Variants in TMEM178A observed in about 807,000 individuals in gnomAD.
TMEM178A encodes transmembrane protein 178.
TMEM178A carries 12 observed loss-of-function variants against 29.1 expected under a neutral mutation model. The observed-to-expected ratio is 0.41, with a 90% CI of 0.26 to 0.67. The LOEUF (loss-of-function observed/expected upper bound fraction) is 0.67, where lower values mean the gene tolerates loss of function less well. TMEM178A is among the 30% of genes least tolerant of loss of function. The pLI, the probability that TMEM178A is intolerant of heterozygous loss-of-function variation, is 0.29. For synonymous variants in TMEM178A, 210 were observed against 187.2 expected, an observed-to-expected ratio of 1.12 and a Z score of -0.99; for missense variants, 366 against 419.1, an observed-to-expected ratio of 0.87 and a Z score of 1.11.
chr2:39,718,507 G>A (rs1250232429), downstream of TMEM178A, among the ~76,000 whole-genome samples: 1 of 152,188 alleles, frequency 6.6e-6, no homozygotes, highest in African/African-American at 2.4e-5. Context: ...ATTTGGGCCA[G>A]AACCGTGGTT....
chr2:39,703,435 T>C (rs1178736831), intron 1 of TMEM178A, among the ~76,000 whole-genome samples: 1 of 152,154 alleles, frequency 6.6e-6, no homozygotes, highest in African/African-American at 2.4e-5. Context: ...TATCAAAATA[T>C]TGTGCCTAGG....
intron 1 of TMEM178A, among the ~76,000 whole-genome samples, chr2:39,683,251 C>T (rs993904744): frequency 6.6e-6 from 1 of 152,202 alleles, no homozygotes; most frequent in Non-Finnish European, 1.5e-5. Flanking sequence ...AAGCCTCCTA[C>T]CTCCTCCATC....
At chr2:39,666,613 C>T (rs1010534996) in intron 1 of TMEM178A, among the ~76,000 whole-genome samples, 1 of 152,142 alleles carries the variant, frequency 6.6e-6, no homozygotes, top group Non-Finnish European at 1.5e-5. Context: ...CCTTTCAAGT[C>T]CGTGCCGCAC....
At chr2:39,727,797 C>CTGAG in the TMEM178A span, among the ~76,000 whole-genome samples, 7,430 of 148,376 alleles carry the variant, frequency 0.05, 618 homozygotes, top group African/African-American at 0.17. Context: ...TTTCTCATCT[C>CTGAG]TGAGAACATG....
the TMEM178A span, among the ~76,000 whole-genome samples, chr2:39,729,826 C>G: frequency 2.6e-5 from 4 of 152,204 alleles, no homozygotes; most frequent in Admixed American, 6.5e-5. Context: ...CTTAAGCAGA[C>G]AATTCTGGGT....
chr2:39,701,489 G>A (rs1671780223), intron 1 of TMEM178A, among the ~76,000 whole-genome samples: 1 of 151,916 alleles, frequency 6.6e-6, no homozygotes, highest in Non-Finnish European at 1.5e-5. Flanking sequence ...TCTGTCTTTG[G>A]CTTTCAACAG....
At chr2:39,712,011 T>G (rs969356464) in intron 3 of TMEM178A, among the ~76,000 whole-genome samples, 25 of 151,042 alleles carry the variant, frequency 1.7e-4, no homozygotes, top group Admixed American at 2.6e-4. Flanking sequence ...AGAAAATGAT[T>G]GGATGCTTTT....
chr2:39,689,533 CATGGAA>C (rs1436062241), intron 1 of TMEM178A, among the ~76,000 whole-genome samples: 1 of 152,138 alleles, frequency 6.6e-6, no homozygotes, highest in Non-Finnish European at 1.5e-5. Context: ...TAATGATTGA[CATGGAA>C]ATAGAATGAT....
intron 1 of TMEM178A, among the ~76,000 whole-genome samples, chr2:39,690,545 A>T (rs1385672362): frequency 2.0e-5 from 3 of 152,210 alleles, no homozygotes; most frequent in African/African-American, 7.2e-5. Context: ...ACTGCCTGCA[A>T]GAGGGAATGA....
chr2:39,700,383 G>C (rs970984257), intron 1 of TMEM178A, among the ~76,000 whole-genome samples: 58 of 152,000 alleles, frequency 3.8e-4, no homozygotes, highest in African/African-American at 1.3e-3. Flanking sequence ...TATGACTGCT[G>C]TATCTTCTTG....
At chr2:39,711,561 C>G (rs145325089) in intron 3 of TMEM178A, among the ~76,000 whole-genome samples, 1 of 152,270 alleles carries the variant, frequency 6.6e-6, no homozygotes, top group Non-Finnish European at 1.5e-5. Context: ...ACAGAGAAGA[C>G]AGAGTCCAGG....
At chr2:39,704,575 G>T (rs182692620) in intron 2 of TMEM178A, among the ~76,000 whole-genome samples, 87 of 152,156 alleles carry the variant, frequency 5.7e-4, no homozygotes, top group African/African-American at 2.0e-3. Context: ...ATTTATTTTA[G>T]CTACTGTGTT....
At chr2:39,719,317 G>A (rs935291665), downstream of TMEM178A, among the ~76,000 whole-genome samples, 6 of 152,236 alleles carry the variant, frequency 3.9e-5, no homozygotes, top group African/African-American at 1.4e-4. Context: ...AACTTTTGAA[G>A]TTTCAGAGAA....
intron 1 of TMEM178A, among the ~76,000 whole-genome samples, chr2:39,702,440 C>G (rs6758855): frequency 6.6e-6 from 1 of 152,172 alleles, no homozygotes; most frequent in East Asian, 1.9e-4. Flanking sequence ...GCTTACAGAG[C>G]CTCAGGGTCA....
the TMEM178A span, among the ~76,000 whole-genome samples, chr2:39,732,206 G>C: frequency 5.3e-5 from 8 of 152,178 alleles, no homozygotes; most frequent in African/African-American, 1.9e-4. Context: ...CTTTCACCCT[G>C]AGTGGGGCTG....
intron 1 of TMEM178A, among the ~76,000 whole-genome samples, chr2:39,697,582 G>T (rs1671598333): frequency 6.6e-6 from 1 of 152,122 alleles, no homozygotes; most frequent in African/African-American, 2.4e-5. Flanking sequence ...CTTGAGTACT[G>T]CTTGTTACTG....
the TMEM178A span, among the ~76,000 whole-genome samples, chr2:39,735,815 G>A: frequency 6.6e-6 from 1 of 152,238 alleles, no homozygotes; most frequent in Non-Finnish European, 1.5e-5. Flanking sequence ...GAATGTTCTG[G>A]TGAAGATCGC....
the TMEM178A span, among the ~76,000 whole-genome samples, chr2:39,724,875 C>T: frequency 6.6e-6 from 1 of 152,166 alleles, no homozygotes; most frequent in Non-Finnish European, 1.5e-5. Context: ...GCAAACATGT[C>T]GAGCAGCCTC....
At chr2:39,694,157 AG>A (rs1671443476) in intron 1 of TMEM178A, among the ~76,000 whole-genome samples, 1 of 123,674 alleles carries the variant, frequency 8.1e-6, no homozygotes, top group Non-Finnish European at 1.7e-5. Context: ...CAATAGTAGT[AG>A]TAGTAATAAT....
Sources: allele counts gnomAD v4.1 joint callset (sites outside exome capture counted in the v4.1 genomes callset), GRCh38; gene constraint gnomAD v4.1.1; transcripts MANE v1.5; gene names NCBI Gene and HGNC (gene_info 2026-07-23, HGNC 2026-07-21).